The following MTRFR variants were observed in gnomAD, a reference collection of about 807,000 sequenced individuals.
The protein encoded by MTRFR is probable peptide chain release factor C12orf65, mitochondrial.
A neutral mutation model predicts 11.9 loss-of-function variants in MTRFR; 10 were observed. The observed-to-expected ratio is 0.84, with a 90% confidence interval of 0.52 to 1.42. The LOEUF (loss-of-function observed/expected upper bound fraction) is 1.42, where lower values mean the gene tolerates loss of function less well. MTRFR is among the 40% of genes most tolerant of loss of function. The probability of loss-of-function intolerance (pLI) is 0.00; values close to 1 mark genes in which losing one functional copy is unlikely to be tolerated. For synonymous variants in MTRFR, 77 were observed against 79.1 expected, an observed-to-expected ratio of 0.97 and a Z score of 0.14; for missense variants, 196 against 197.9, an observed-to-expected ratio of 0.99 and a Z score of 0.06.
At chr12:123,249,012 G>C (rs2048080343) in intron 1 of MTRFR, 1 of 152,102 alleles carries the variant, frequency 6.6e-6, no homozygotes, top group South Asian at 2.1e-4. Flanking sequence ...GCTAGACACA[G>C]AGTGCTGATT....
intron 2 of MTRFR, among the ~76,000 whole-genome samples, chr12:123,255,415 C>CGATT (rs2048172566): frequency 6.6e-6 from 1 of 152,142 alleles, no homozygotes; most frequent in African/African-American, 2.4e-5. Flanking sequence ...ATAACTCAAT[C>CGATT]CAAACTTGCT....
rs1221087654 is a variant in MTRFR, at chr12:123,256,903, A to C, written c.373A>C (p.Ser125Arg). 6 of 1,613,928 alleles carry C rather than the reference A, an allele frequency of 3.7e-6. No individual in the cohort carries two copies. The highest frequency in any genetic ancestry group is 5.1e-6 in the Non-Finnish European group (6 of 1,179,872). ...AGATGTTTTCTACAATGGTGAAAAC[A>C]GTCCTGTTCACAAAGAAAAACGAGA... Reference protein sequence around the residue: ...KVDVFYNGENSPVHKEKREAA... With the variant: ...KVDVFYNGENRPVHKEKREAA... Residue 125 changes from serine (S) to arginine (R), a missense_variant, in exon 3 of 3, where the codon AGT (serine) becomes CGT (arginine). Transcript: ENST00000253233.
At chr12:123,234,805 G>C (rs2047813376) in intron 1 of MTRFR, among the ~76,000 whole-genome samples, 1 of 152,188 alleles carries the variant, frequency 6.6e-6, no homozygotes, top group Non-Finnish European at 1.5e-5. Flanking sequence ...CTTCATTGAA[G>C]ATGGTTTTAT....
At chr12:123,242,847 T>G (rs1440701767) in intron 1 of MTRFR, among the ~76,000 whole-genome samples, 2 of 152,232 alleles carry the variant, frequency 1.3e-5, no homozygotes, top group Non-Finnish European at 2.9e-5. Context: ...GCCAGCGCTG[T>G]CCTGCCTGGT....
At chr12:123,255,253 A>G (rs2048170707) in intron 2 of MTRFR, among the ~76,000 whole-genome samples, 1 of 152,152 alleles carries the variant, frequency 6.6e-6, no homozygotes, top group South Asian at 2.1e-4. Flanking sequence ...CCCCAAGTCC[A>G]TGTTCCTAAC....
rs748793321 is a variant in MTRFR at position 123,253,878 on chromosome 12, C to G, written c.204C>G (p.His68Gln). The change falls in exon 2 of 3, where the codon CAC becomes CAG. Residue 68 changes from histidine to glutamine, a missense_variant. Coordinates refer to ENST00000253233, the MANE Select transcript of MTRFR (RefSeq NM_152269.5). ...TCGAAGAGCAGTTTGTGAAAGGACACGGTCCAGGGGGCCAGGCAACCAACA... is the reference window on the plus strand; with the variant it reads ...TCGAAGAGCAGTTTGTGAAAGGACAGGGTCCAGGGGGCCAGGCAACCAACA... ...NELEEQFVKG[H>Q]GPGGQATNKT... 3 of 1,614,210 alleles carry G rather than the reference C, an allele frequency of 1.9e-6. No individual in the cohort carries two copies. The highest frequency in any genetic ancestry group is 2.5e-6 in the Non-Finnish European group (3 of 1,180,034).
intron 1 of MTRFR, among the ~76,000 whole-genome samples, chr12:123,246,992 G>A (rs745896551): frequency 7.2e-5 from 11 of 151,782 alleles, no homozygotes; most frequent in Non-Finnish European, 1.5e-4. Flanking sequence ...GCCTCCCAAA[G>A]TGCTGGGATT....
intron 1 of MTRFR, among the ~76,000 whole-genome samples, chr12:123,242,162 A>C (rs1017445438): frequency 6.6e-6 from 1 of 152,180 alleles, no homozygotes; most frequent in African/African-American, 2.4e-5. Context: ...AACTTAACCA[A>C]GTTGGAAGGG....
intron 2 of MTRFR, 53 bp from the exon 3 acceptor site, chr12:123,256,760 G>C (rs2048185631): frequency 7.2e-7 from 1 of 1,387,358 alleles, no homozygotes; most frequent in Non-Finnish European, 1.0e-6. Flanking sequence ...CTGAGGTCCT[G>C]TCCATTTTTA....
At chr12:123,238,203 T>C (rs1486670670) in intron 1 of MTRFR, among the ~76,000 whole-genome samples, 1 of 151,764 alleles carries the variant, frequency 6.6e-6, no homozygotes, top group Admixed American at 6.6e-5. Context: ...CCAAAACACA[T>C]TTTTGAAACA....
At chr12:123,254,366 T>A (rs940324919) in intron 2 of MTRFR, 3 of 214,424 alleles carry the variant, frequency 1.4e-5, no homozygotes, top group African/African-American at 6.9e-5. Context: ...ATCCCCAGCA[T>A]TGCTATGGGA....
At chr12:123,235,464 A>G (rs550620075) in intron 1 of MTRFR, among the ~76,000 whole-genome samples, 6 of 151,754 alleles carry the variant, frequency 4.0e-5, no homozygotes, top group African/African-American at 1.5e-4. Flanking sequence ...CCCCAGGTTC[A>G]CGCCATTCTC....
chr12:123,254,199 G>T, intron 2 of MTRFR: 1 of 528,818 alleles, frequency 1.9e-6, no homozygotes, highest in Non-Finnish European at 3.4e-6. Flanking sequence ...TTGGAGCCAG[G>T]GTATGGCTGC....
At chr12:123,256,599 G>A (rs994364493) in intron 2 of MTRFR, among the ~76,000 whole-genome samples, 1 of 152,166 alleles carries the variant, frequency 6.6e-6, no homozygotes, top group African/African-American at 2.4e-5. Context: ...GGGAGGCTGA[G>A]GCAGGAGAAT....
At chr12:123,251,781 C>T (rs1393236816) in intron 1 of MTRFR, among the ~76,000 whole-genome samples, 1 of 152,172 alleles carries the variant, frequency 6.6e-6, no homozygotes, top group African/African-American at 2.4e-5. Flanking sequence ...TGATCTAGAG[C>T]TAAAATTCAC....
chr12:123,244,974 C>T (rs2048016570), intron 1 of MTRFR, among the ~76,000 whole-genome samples: 2 of 112,742 alleles, frequency 1.8e-5, no homozygotes, highest in Admixed American at 1.0e-4. Context: ...CAGAGTCTTA[C>T]TCTTGTCACC....
At chr12:123,252,927 A>G (rs950019973) in intron 1 of MTRFR, among the ~76,000 whole-genome samples, 3 of 152,164 alleles carry the variant, frequency 2.0e-5, no homozygotes, top group Admixed American at 2.0e-4. Flanking sequence ...TCCGTCTCAA[A>G]AAATAAAATA....
chr12:123,243,035 G>GT (rs931412043), intron 1 of MTRFR, among the ~76,000 whole-genome samples: 139 of 152,310 alleles, frequency 9.1e-4, no homozygotes, highest in African/African-American at 2.9e-3. Context: ...TCTTTCGTAG[G>GT]TAAGGTGATT....
At chr12:123,243,125 C>T (rs1234514197) in intron 1 of MTRFR, among the ~76,000 whole-genome samples, 1 of 152,172 alleles carries the variant, frequency 6.6e-6, no homozygotes, top group Non-Finnish European at 1.5e-5. Flanking sequence ...ACATTTCATA[C>T]ACATTAAACA....
Sources: gnomAD v4.1 joint callset for allele counts (sites outside exome capture counted in the v4.1 genomes callset) on GRCh38, gnomAD v4.1.1 for gene constraint, MANE v1.5 for transcripts, NCBI Gene and HGNC (gene_info 2026-07-23, HGNC 2026-07-21) for gene names.